PCDHA7: variants seen among roughly 807,000 people sequenced by gnomAD.
The protein encoded by PCDHA7 is protocadherin alpha 7, also known as protocadherin alpha-7.
Under a neutral mutation model 57.2 loss-of-function variants are expected in PCDHA7, and 37 were observed. The ratio of observed to expected loss-of-function variants is 0.65; its 90% CI spans 0.50 to 0.85. The LOEUF (loss-of-function observed/expected upper bound fraction) is 0.85. Among genes scored for constraint, PCDHA7 ranks in the 40% least tolerant of loss-of-function variants. PCDHA7 has a pLI of 0.00. For synonymous variants in PCDHA7, 553 were observed against 558.8 expected (o/e 0.99, Z 0.15); for missense variants, 1,188 against 1,241.8 (o/e 0.96, Z 0.65).
intron 1 of PCDHA7, chr5:140,969,414 G>C: frequency 6.4e-7 from 1 of 1,566,012 alleles, no homozygotes; most frequent in Non-Finnish European, 8.7e-7. Context: ...GCTTTATTGA[G>C]TCATTAACAG....
At chr5:140,875,103 A>ACTAATATCATG (rs2055275043) in intron 1 of PCDHA7, among the ~76,000 whole-genome samples, 2 of 152,340 alleles carry the variant, frequency 1.3e-5, no homozygotes, top group African/African-American at 4.8e-5. Context: ...ATGTTTTGTT[A>ACTAATATCATG]CTAATATCAT....
chr5:140,939,034 A>T (rs1367274051), intron 1 of PCDHA7, among the ~76,000 whole-genome samples: 1 of 152,216 alleles, frequency 6.6e-6, no homozygotes, highest in Non-Finnish European at 1.5e-5. Context: ...TATTCGGAAG[A>T]GTTGTCTTAG....
At chr5:140,977,599 AC>A (rs782213571) in intron 1 of PCDHA7, among the ~76,000 whole-genome samples, 1 of 152,150 alleles carries the variant, frequency 6.6e-6, no homozygotes, top group Non-Finnish European at 1.5e-5. Context: ...GCATGTGAGG[AC>A]CATTGAGGTA....
intron 1 of PCDHA7, chr5:140,862,507 G>C (rs2047400822): frequency 5.0e-6 from 2 of 401,986 alleles, no homozygotes; most frequent in Non-Finnish European, 5.0e-6. Flanking sequence ...ATGGGGACTC[G>C]CTTTCATTGT....
chr5:140,935,526 T>C (rs558710371), intron 1 of PCDHA7, among the ~76,000 whole-genome samples: 3 of 152,232 alleles, frequency 2.0e-5, no homozygotes, highest in Non-Finnish European at 4.4e-5. Flanking sequence ...GCATGTACAG[T>C]CAAATTATTG....
At chr5:140,853,957 G>C in intron 1 of PCDHA7, 1 of 736,982 alleles carries the variant, frequency 1.4e-6, no homozygotes. Flanking sequence ...TCCCTTCCTT[G>C]AGCCCAGCAG....
intron 3 of PCDHA7, among the ~76,000 whole-genome samples, chr5:140,993,154 A>T (rs2097543247): frequency 6.6e-6 from 1 of 152,220 alleles, no homozygotes; most frequent in Admixed American, 6.5e-5. Flanking sequence ...AATGGATTCT[A>T]AATATTTGCC....
rs201064172 is a variant in PCDHA7 at position 140,856,130 on chromosome 5, G to T, written c.2355+19392G>T. Reference sequence around the variant, plus strand: ...CCTCGCAGCCTGGGAGGTGGGGAGCGGCCAGCTCCACTACTCAGTCTACGA... The same window carrying T: ...CCTCGCAGCCTGGGAGGTGGGGAGCTGCCAGCTCCACTACTCAGTCTACGA... On this transcript the variant is annotated intron_variant, in intron 1 of 3. Coordinates refer to ENST00000525929, the MANE Select transcript of PCDHA7 (RefSeq NM_018910.3). 2.5e-4 allele frequency: 403 copies of T among 1,597,952 alleles called. 51 individuals carry two copies. Among genetic ancestry groups the T allele is most frequent in the Non-Finnish European group, 3.0e-4 (350 of 1,167,798 alleles).
At chr5:140,997,668 T>TTA (rs2097778675) in intron 3 of PCDHA7, among the ~76,000 whole-genome samples, 1 of 148,244 alleles carries the variant, frequency 6.7e-6, no homozygotes, top group African/African-American at 2.5e-5. Flanking sequence ...ATTATACAGC[T>TTA]TGTGTGTGTG....
chr5:140,954,209 T>C (rs2094996699), intron 1 of PCDHA7, among the ~76,000 whole-genome samples: 1 of 152,218 alleles, frequency 6.6e-6, no homozygotes, highest in Non-Finnish European at 1.5e-5. Context: ...GTTGATCCCA[T>C]GTTTTTGCTA....
At chr5:140,966,253 G>A in intron 1 of PCDHA7, 1 of 328,324 alleles carries the variant, frequency 3.0e-6, no homozygotes, top group South Asian at 1.5e-4. Context: ...GGGGAGAGAC[G>A]GTGGAGACTG....
At chr5:140,970,758 A>T (rs1217450283) in intron 1 of PCDHA7, among the ~76,000 whole-genome samples, 2 of 152,232 alleles carry the variant, frequency 1.3e-5, no homozygotes, top group East Asian at 3.8e-4. Flanking sequence ...ATTTTCATTG[A>T]CATATTGCTG....
At chr5:140,926,607 C>T (rs887450914) in intron 1 of PCDHA7, 1 of 348,974 alleles carries the variant, frequency 2.9e-6, no homozygotes, top group Non-Finnish European at 5.1e-6. Context: ...GGCCTCGTCT[C>T]TGCACCCCTA....
intron 1 of PCDHA7, among the ~76,000 whole-genome samples, chr5:140,939,871 T>G (rs2092481346): frequency 6.6e-6 from 1 of 152,230 alleles, no homozygotes; most frequent in Non-Finnish European, 1.5e-5. Context: ...TAGGTCATCT[T>G]TGCTAGTTGT....
At chr5:140,935,996 G>C (rs145363850) in intron 1 of PCDHA7, among the ~76,000 whole-genome samples, 1,644 of 150,942 alleles carry the variant, frequency 0.011, 22 homozygotes, top group African/African-American at 0.037. Flanking sequence ...GGGTTCAAGC[G>C]ATTCTCCCAC....
intron 1 of PCDHA7, among the ~76,000 whole-genome samples, chr5:140,839,721 T>C (rs2150300331): frequency 6.6e-6 from 1 of 152,184 alleles, no homozygotes; most frequent in East Asian, 1.9e-4. Flanking sequence ...ATTTAAATCA[T>C]TTCACAGAAA....
rs374162485 is a variant in PCDHA7 at position 140,856,517 on chromosome 5, T to A, written c.2355+19779T>A. 8 of 1,598,368 alleles carry A rather than the reference T, an allele frequency of 5.0e-6. 1 individual carries two copies. Among genetic ancestry groups the A allele is most frequent in the Non-Finnish European group, 6.0e-6 (7 of 1,167,940 alleles). On this transcript the variant is annotated intron_variant, in intron 1 of 3. Coordinates refer to ENST00000525929, the MANE Select transcript of PCDHA7 (RefSeq NM_018910.3). ...CTCTCGATTTCCACTAGAAGGCGCA[T>A]CTGATGCGGATGTTGGAGAGAACGC...
intron 1 of PCDHA7, chr5:140,929,003 G>A: frequency 6.2e-7 from 1 of 1,614,106 alleles, no homozygotes; most frequent in South Asian, 1.1e-5. Flanking sequence ...TTCTTCGTGT[G>A]TACCAAGTTG....
In PCDHA7 at chr5:140,875,617, G is replaced by T; in HGVS notation, c.2355+38879G>T. On this transcript the variant is annotated intron_variant, in intron 1 of 3. Coordinates refer to ENST00000525929, the MANE Select transcript of PCDHA7 (RefSeq NM_018910.3). ...ACACGGCACCTTCGTGGGCCGCATC[G>T]CTCAGGACCTGGGGCTGGAGCTGGC... 1 of 1,613,780 alleles carries T rather than the reference G, an allele frequency of 6.2e-7. No homozygotes were observed. The highest frequency in any genetic ancestry group is 2.2e-5 in the East Asian group (1 of 44,888).
Sources: gnomAD v4.1 joint callset for allele counts (sites outside exome capture counted in the v4.1 genomes callset) on GRCh38, gnomAD v4.1.1 for gene constraint, MANE v1.5 for transcripts, NCBI Gene and HGNC (gene_info 2026-07-23, HGNC 2026-07-21) for gene names.